Variants in FANCE observed in about 807,000 individuals in gnomAD.
The protein encoded by FANCE is Fanconi anemia group E protein.
In FANCE, 42 loss-of-function variants were observed where a neutral mutation model predicts 57.8. That is an observed-to-expected ratio of 0.73 (90% confidence interval 0.57 to 0.94). The LOEUF is 0.94. Among genes scored for constraint, FANCE ranks in the 40% least tolerant of loss-of-function variants. The pLI, the probability that FANCE is intolerant of heterozygous loss-of-function variation, is 0.00. For synonymous variants in FANCE, 251 were observed against 286.4 expected, an observed-to-expected ratio of 0.88 and a Z score of 1.25; for missense variants, 608 against 661.8, an observed-to-expected ratio of 0.92 and a Z score of 0.89.
At chr6:35,457,667 AAGG>A in intron 3 of FANCE, 67 bp downstream of exon 3, 8 of 1,557,988 alleles carry the variant, frequency 5.1e-6, no homozygotes, top group Non-Finnish European at 7.1e-6. Flanking sequence ...AACTATGCCC[AAGG>A]AAGGCCCAAT....
At position 35,459,372 on chromosome 6, in the gene FANCE, T is replaced by C. The variant is rs576468163; in HGVS notation, c.1155T>C (p.Thr385=). Residue 385 remains threonine, a synonymous_variant, in exon 6 of 10, where the codon ACT becomes ACC. Transcript: ENST00000229769. Reference sequence around the variant, plus strand: ...CCTCAGCCTCCCGCCTGCTTACAACTGCCCTGACCTCCTTCTGTGCCAAAT... The same window carrying C: ...CCTCAGCCTCCCGCCTGCTTACAACCGCCCTGACCTCCTTCTGTGCCAAAT... The part of the protein sequence containing the change: ...LTSSASRLLT[T]ALTSFCAKYT... The C allele has an allele frequency of 6.2e-6, 10 of 1,614,174 alleles. No homozygotes were observed. In the Admixed American group the frequency reaches 1.0e-4, roughly 16 times the overall value.
chr6:35,456,408 TC>T lies in FANCE; in HGVS notation c.855+57del. 6.2e-7 allele frequency: 1 copy of T among 1,612,646 alleles called. No homozygotes were observed. The highest frequency in any genetic ancestry group is 8.5e-7 in the Non-Finnish European group (1 of 1,178,830). On this transcript the variant is annotated intron_variant, in intron 2 of 9. Transcript: ENST00000229769. The surrounding 1 kb of genome is among the most constrained non-coding windows in gnomAD (Gnocchi z 4.3). ...TGATCTTTCAGCAGTGGTGGCTTTA[TC>T]CATGGGGAAGGCTGCTTGGGACACT...
chr6:35,456,419 G>C lies in FANCE; in HGVS notation c.855+66G>C. 6.2e-7 allele frequency: 1 copy of C among 1,603,962 alleles called. No individual in the cohort carries two copies. Among genetic ancestry groups the C allele is most frequent in the South Asian group, 1.1e-5 (1 of 90,638 alleles). On this transcript the variant is annotated intron_variant, in intron 2 of 9. Coordinates refer to ENST00000229769, the MANE Select transcript of FANCE (RefSeq NM_021922.3). The surrounding 1 kb of genome is among the most constrained non-coding windows in gnomAD (Gnocchi z 4.3). The stretch of plus-strand genomic sequence containing the variant: ...CAGTGGTGGCTTTATCCATGGGGAA[G>C]GCTGCTTGGGACACTTTTTCCCAAT...
chr6:35,459,703 T>G lies in FANCE; in HGVS notation c.1259T>G (p.Leu420Arg), dbSNP rs1344733187. 1 of 1,614,070 alleles carries G rather than the reference T, an allele frequency of 6.2e-7. No individual in the cohort carries two copies. Among genetic ancestry groups the G allele is most frequent in the East Asian group, 2.2e-5 (1 of 44,894 alleles). ...CCAGGTCCTGCTCAAACAGAGTTAC[T>G]GTGTTGCCTTGTGAAGATGGAGTCC... is the stretch of plus-strand genomic sequence containing the variant. ...PGTGPAQTELLCCLVKMESLE... is the reference protein window; with the variant it reads ...PGTGPAQTELRCCLVKMESLE... Residue 420 changes from leucine to arginine, a missense_variant, in exon 7 of 10, where the codon CTG becomes CGG. By Grantham distance (102) the Leu-to-Arg change is moderately radical. Coordinates refer to ENST00000229769, the MANE Select transcript of FANCE (RefSeq NM_021922.3).
At chr6:35,455,712 A>T (rs7757405) in intron 1 of FANCE, 35 bp from the exon 2 acceptor site, 1 of 1,611,358 alleles carries the variant, frequency 6.2e-7, no homozygotes, top group South Asian at 1.1e-5. Flanking sequence ...CCTTCAGCCA[A>T]ACACTTAACT....
chr6:35,464,728 CTTTT>C (rs59541412), intron 9 of FANCE, among the ~76,000 whole-genome samples: 43 of 107,792 alleles, frequency 4.0e-4, no homozygotes, highest in South Asian at 1.2e-3. Flanking sequence ...GAGAGATATT[CTTTT>C]TTTTTTTTTT....
intron 7 of FANCE, 94 bp from the exon 8 acceptor site, chr6:35,460,458 G>A: frequency 7.8e-7 from 1 of 1,285,922 alleles, no homozygotes. Flanking sequence ...GCTGTCCCCA[G>A]GGCCTTGCCC....
In FANCE at chr6:35,456,757, G is replaced by A. The variant is rs551488060; in HGVS notation, c.855+404G>A. On this transcript the variant is annotated intron_variant, in intron 2 of 9. Coordinates refer to ENST00000229769, the MANE Select transcript of FANCE (RefSeq NM_021922.3). This position sits in a 1 kb window ranked among gnomAD's most constrained non-coding sequence, Gnocchi z 4.3. ...TTGAACTCCTGACCTCAGGTGATCC[G>A]CCCACCTTGGCCTCCAAAGTGTTGG... Among the ~76,000 whole-genome samples, 10 of 152,078 alleles carry A rather than the reference G, an allele frequency of 6.6e-5. No homozygotes were observed. Among genetic ancestry groups the A allele is most frequent in the South Asian group, 2.1e-4 (1 of 4,808 alleles).
Position 35,455,851 on chromosome 6 carries a change from T to C in FANCE, c.353T>C (p.Leu118Pro). The change falls in exon 2 of 10, where the codon CTG (leucine) becomes CCG (proline). Residue 118 changes from leucine to proline, a missense_variant. Coordinates refer to ENST00000229769, the MANE Select transcript of FANCE (RefSeq NM_021922.3). ...SLPESGLLSV[L>P]QIAQQDLAPD... ...CCGGAAAGTGGGCTCCTCTCTGTGC[T>C]GCAGATTGCCCAGCAGGACCTAGCC... The C allele has an allele frequency of 6.2e-7, 1 of 1,614,196 alleles. No individual in the cohort carries two copies. The highest frequency in any genetic ancestry group is 8.5e-7 in the Non-Finnish European group (1 of 1,180,030).
intron 9 of FANCE, among the ~76,000 whole-genome samples, chr6:35,464,546 T>G: frequency 6.7e-6 from 1 of 149,914 alleles, no homozygotes; most frequent in African/African-American, 2.5e-5. Flanking sequence ...CGAGACAGGG[T>G]CTTCTTATGT....
Position 35,456,715 on chromosome 6 carries a change from T to C in FANCE, c.855+362T>C, listed in dbSNP as rs1767358291. ...TTTTAGTAGAGACAGGGTTTCTCCA[T>C]GTTGGTCAGGCTGGTCTTGAACTCC... On this transcript the variant is annotated intron_variant, in intron 2 of 9. Coordinates refer to ENST00000229769, the MANE Select transcript of FANCE (RefSeq NM_021922.3). This position sits in a 1 kb window ranked among gnomAD's most constrained non-coding sequence, Gnocchi z 4.3. 1.3e-5 allele frequency among the ~76,000 whole-genome samples: 2 copies of C among 152,010 alleles called. No homozygotes were observed. Among genetic ancestry groups the C allele is most frequent in the African/African-American group, 4.8e-5 (2 of 41,390 alleles).
intron 3 of FANCE, 49 bp from the exon 4 acceptor site, chr6:35,457,867 C>A: frequency 6.5e-7 from 1 of 1,548,272 alleles, no homozygotes; most frequent in Non-Finnish European, 8.9e-7. Context: ...GCTTCAGTGA[C>A]TTGTCACTGA....
At position 35,463,663 on chromosome 6, in the gene FANCE, C is replaced by CTT. The variant is rs756174501; in HGVS notation, c.1509+764_1509+765dup. ...TTGGGAATTGGGACGGGCTTCCTGA[C>CTT]TTTTTTTTTTTTTTTTGAGTCGGAG... is the stretch of plus-strand genomic sequence containing the variant. On this transcript the variant is annotated intron_variant, in intron 9 of 9. Transcript: ENST00000229769. Among the ~76,000 whole-genome samples the CTT allele has an allele frequency of 2.7e-4, 37 of 136,346 alleles. 1 individual carries two copies. The highest frequency in any genetic ancestry group is 7.5e-4 in the African/African-American group (27 of 36,002). 89.4% of individuals were successfully genotyped at this position (136,346 alleles called of 152,430 possible).
rs1367802674 is a variant in FANCE, at chr6:35,466,841, C to G, written c.*496C>G. The G allele has an allele frequency of 7.5e-6, 2 of 267,036 alleles. No individual in the cohort carries two copies. The highest frequency in any genetic ancestry group is 1.2e-4 in the East Asian group (2 of 16,810). The allele number at this position is 267,036 out of a possible 1,614,324, so 16.5% of individuals were successfully genotyped here. ...TGTTGAGATTTACAGGTGTGAGCCA[C>G]CACACCAGGCCAGAGCTATATTTCC... On this transcript the variant is annotated 3_prime_UTR_variant, in exon 10 of 10. Coordinates refer to ENST00000229769, the MANE Select transcript of FANCE (RefSeq NM_021922.3).
chr6:35,461,488 T>C (rs942839081), intron 8 of FANCE, among the ~76,000 whole-genome samples: 3 of 152,232 alleles, frequency 2.0e-5, no homozygotes, highest in African/African-American at 7.2e-5. Flanking sequence ...GAAACATGTC[T>C]ACTCTTACTT....
In FANCE at chr6:35,452,896, C is replaced by T. The variant is rs1767170413; in HGVS notation, c.248+103C>T. ...ATAAGCCCCTTCAGCGACGGCCTGC[C>T]GCGCACCCTATGAGCAGGGGCACCC... On this transcript the variant is annotated intron_variant, in intron 1 of 9. Transcript: ENST00000229769. 7 of 1,174,820 alleles carry T rather than the reference C, an allele frequency of 6.0e-6. No individual in the cohort carries two copies. The South Asian group carries it at 2.2e-4, about 37-fold the overall frequency. 72.8% of individuals were successfully genotyped at this position (1,174,820 alleles called of 1,614,324 possible).
rs750812971 is a variant in FANCE, at chr6:35,459,473, C to A, written c.1237+19C>A. On this transcript the variant is annotated intron_variant, in intron 6 of 9. Transcript: ENST00000229769. ...GGCACAGGTAATTCTGGAACCAGCC[C>A]CAGGCCCAGTAGCTCTGCCCTCAGT... 4 of 1,613,698 alleles carry A rather than the reference C, an allele frequency of 2.5e-6. No individual in the cohort carries two copies. In the African/African-American group the frequency reaches 5.3e-5, roughly 22 times the overall value.
Position 35,462,795 on chromosome 6 carries a change from A to T in FANCE, c.1390A>T (p.Met464Leu). The T allele has an allele frequency of 1.2e-6, 2 of 1,614,108 alleles. No homozygotes were observed. Among genetic ancestry groups the T allele is most frequent in the Non-Finnish European group, 1.7e-6 (2 of 1,179,968 alleles). ...LQSLLERQVE[M>L]TPEKFSVLME... is the part of the protein sequence containing the mutation. ...CATCTCCCAATGTGTGCAGGTGGAGATGACCCCTGAGAAGTTCAGTGTCTT... is the reference window on the plus strand; with the variant it reads ...CATCTCCCAATGTGTGCAGGTGGAGTTGACCCCTGAGAAGTTCAGTGTCTT... The change falls in exon 9 of 10, where the codon ATG becomes TTG. Residue 464 changes from methionine (M) to leucine (L), a missense_variant. Met to Leu is a conservative substitution (Grantham distance 15). Coordinates refer to ENST00000229769, the MANE Select transcript of FANCE (RefSeq NM_021922.3).
At chr6:35,462,702 G>C (rs1167191920) in intron 8 of FANCE, 87 bp from the exon 9 acceptor site, 4 of 1,581,366 alleles carry the variant, frequency 2.5e-6, no homozygotes, top group Non-Finnish European at 2.6e-6. Flanking sequence ...CTAGGAAGTG[G>C]TGGAGTTGGG....
Sources: gnomAD v4.1 joint callset for allele counts (sites outside exome capture counted in the v4.1 genomes callset) on GRCh38, gnomAD v4.1.1 for gene constraint, Gnocchi (gnomAD v3.1) non-coding constraint, MANE v1.5 for transcripts, NCBI Gene and HGNC (gene_info 2026-07-23, HGNC 2026-07-21) for gene names.